Variants in TAFA5 observed in about 807,000 individuals in gnomAD.
The protein encoded by TAFA5 is chemokine-like protein TAFA-5.
TAFA5 carries 6 observed loss-of-function variants against 15.3 expected under a neutral mutation model. The observed-to-expected ratio is 0.39, with a 90% confidence interval of 0.21 to 0.77. TAFA5 has a LOEUF of 0.77. Ranked by LOEUF, TAFA5 falls within the 30% of genes least tolerant of loss-of-function variation. The pLI is 0.41. For missense variants in TAFA5, 161 were observed against 193.1 expected (o/e 0.83, Z 0.98); for synonymous variants, 103 against 80.7 (o/e 1.28, Z -1.48).
intron 3 of TAFA5, among the ~76,000 whole-genome samples, chr22:48,731,653 G>C (rs1215511630): frequency 2.0e-5 from 3 of 152,190 alleles, no homozygotes; most frequent in Non-Finnish European, 4.4e-5. Context: ...CAGCACATCT[G>C]TGTATGGCAT....
At chr22:48,735,396 G>A (rs977343584) in intron 3 of TAFA5, among the ~76,000 whole-genome samples, 1 of 152,214 alleles carries the variant, frequency 6.6e-6, no homozygotes. Flanking sequence ...TCCACAGGAA[G>A]ATGGGCAAAG....
At chr22:48,644,827 C>A (rs1208397046) in intron 1 of TAFA5, among the ~76,000 whole-genome samples, 1 of 152,190 alleles carries the variant, frequency 6.6e-6, no homozygotes, top group East Asian at 1.9e-4. Flanking sequence ...GGTGGGATGG[C>A]CACCCTTCGT....
intron 1 of TAFA5, among the ~76,000 whole-genome samples, chr22:48,540,609 TG>T (rs2147118684): frequency 6.6e-6 from 1 of 151,772 alleles, no homozygotes; most frequent in African/African-American, 2.4e-5. Flanking sequence ...TTTTTTTTTT[TG>T]CCTCAAATGC....
chr22:48,638,301 A>C (rs7290815), intron 1 of TAFA5, among the ~76,000 whole-genome samples: 1 of 113,346 alleles, frequency 8.8e-6, no homozygotes, highest in Non-Finnish European at 1.8e-5. Context: ...TAAGCCACAC[A>C]TAGGCAACAA....
chr22:48,589,154 G>T (rs941237944), intron 1 of TAFA5, among the ~76,000 whole-genome samples: 31 of 152,334 alleles, frequency 2.0e-4, no homozygotes, highest in Non-Finnish European at 4.1e-4. Context: ...TTGCCTTGGG[G>T]ACAACCTTGA....
intron 1 of TAFA5, among the ~76,000 whole-genome samples, chr22:48,637,223 T>C (rs1434816345): frequency 6.6e-6 from 1 of 152,148 alleles, no homozygotes; most frequent in Non-Finnish European, 1.5e-5. Flanking sequence ...CGTGCCTGTG[T>C]GTAAGGATCT....
chr22:48,586,471 G>T (rs966925297), intron 1 of TAFA5, among the ~76,000 whole-genome samples: 1 of 152,210 alleles, frequency 6.6e-6, no homozygotes, highest in Non-Finnish European at 1.5e-5. Flanking sequence ...AAAAGGAGTG[G>T]AAGCCCGAGG....
At chr22:48,628,871 G>T (rs16999622) in intron 1 of TAFA5, among the ~76,000 whole-genome samples, 1,626 of 152,360 alleles carry the variant, frequency 0.011, 27 homozygotes, top group African/African-American at 0.037. Context: ...AAGGTGGAAG[G>T]TGTCAAGTTA....
chr22:48,689,823 A>G (rs907648791), intron 2 of TAFA5, among the ~76,000 whole-genome samples: 1 of 152,042 alleles, frequency 6.6e-6, no homozygotes, highest in Non-Finnish European at 1.5e-5. Flanking sequence ...CCTTCCTTGC[A>G]CCACCCTCTT....
intron 1 of TAFA5, among the ~76,000 whole-genome samples, chr22:48,491,690 G>GGT (rs1928160126): frequency 6.6e-6 from 1 of 152,220 alleles, no homozygotes; most frequent in Non-Finnish European, 1.5e-5. Flanking sequence ...TGAATCCTAA[G>GGT]GTGTCAGCAC....
intron 1 of TAFA5, among the ~76,000 whole-genome samples, chr22:48,630,789 G>A (rs1162394273): frequency 3.1e-5 from 3 of 97,042 alleles, no homozygotes; most frequent in African/African-American, 9.6e-5. Flanking sequence ...AGGAAGCTGG[G>A]CACTCGGCTG....
intron 1 of TAFA5, among the ~76,000 whole-genome samples, chr22:48,570,370 T>C (rs1367338347): frequency 1.3e-5 from 2 of 152,246 alleles, no homozygotes; most frequent in Non-Finnish European, 2.9e-5. Flanking sequence ...AATCGCAGAA[T>C]ATACATGACG....
intron 3 of TAFA5, among the ~76,000 whole-genome samples, chr22:48,736,860 A>G (rs1051919800): frequency 6.6e-6 from 1 of 152,222 alleles, no homozygotes; most frequent in Non-Finnish European, 1.5e-5. Context: ...GCTGACGGGT[A>G]TGGCGTTGCT....
intron 1 of TAFA5, among the ~76,000 whole-genome samples, chr22:48,602,644 T>C (rs1925016354): frequency 6.6e-6 from 1 of 152,206 alleles, no homozygotes; most frequent in South Asian, 2.1e-4. Flanking sequence ...TCCTGGACCA[T>C]GTGGCCTCTG....
intron 3 of TAFA5, among the ~76,000 whole-genome samples, chr22:48,733,469 G>A (rs1216934807): frequency 1.3e-5 from 2 of 152,184 alleles, no homozygotes; most frequent in African/African-American, 2.4e-5. Context: ...GAACCTTCAG[G>A]GGAGTCCTGC....
intron 1 of TAFA5, among the ~76,000 whole-genome samples, chr22:48,516,389 C>T (rs992812199): frequency 5.9e-5 from 9 of 152,118 alleles, no homozygotes; most frequent in East Asian, 1.9e-4. Context: ...ACCGAGACCT[C>T]GGGGCCGCGT....
At chr22:48,674,733 T>TAGCTTGCC (rs1927915690) in intron 2 of TAFA5, among the ~76,000 whole-genome samples, 1 of 152,238 alleles carries the variant, frequency 6.6e-6, no homozygotes, top group South Asian at 2.1e-4. Flanking sequence ...GGGGCCACCT[T>TAGCTTGCC]AGCTTGCCCG....
At chr22:48,639,287 C>T (rs1385712692) in intron 1 of TAFA5, among the ~76,000 whole-genome samples, 1 of 152,238 alleles carries the variant, frequency 6.6e-6, no homozygotes, top group Non-Finnish European at 1.5e-5. Flanking sequence ...GCCCTCAGGC[C>T]TGCGGGGCCC....
At chr22:48,648,859 C>A (rs1200245325) in intron 2 of TAFA5, among the ~76,000 whole-genome samples, 5 of 152,126 alleles carry the variant, frequency 3.3e-5, no homozygotes, top group African/African-American at 1.2e-4. Flanking sequence ...ATGCTGGTAT[C>A]ACCGGGAGAA....
Sources: gnomAD v4.1 joint callset for allele counts (sites outside exome capture counted in the v4.1 genomes callset) on GRCh38, gnomAD v4.1.1 for gene constraint, MANE v1.5 for transcripts, NCBI Gene and HGNC (gene_info 2026-07-23, HGNC 2026-07-21) for gene names.